Variants in SH3BGRL2 observed in about 807,000 individuals in gnomAD.
SH3BGRL2 encodes the protein SH3 domain-binding glutamic acid-rich-like protein 2.
SH3BGRL2 carries 21 observed loss-of-function variants against 14.8 expected under a neutral mutation model. The ratio of observed to expected loss-of-function variants is 1.42; its 90% CI spans 1.01 to 2.05. The LOEUF (loss-of-function observed/expected upper bound fraction) is 2.05, where lower values mean the gene tolerates loss of function less well. SH3BGRL2 is among the 30% of genes most tolerant of loss of function. The pLI is 0.00. For synonymous variants in SH3BGRL2, 50 were observed against 47.8 expected, an observed-to-expected ratio of 1.05 and a Z score of -0.19; for missense variants, 147 against 130.8, an observed-to-expected ratio of 1.12 and a Z score of -0.61.
At chr6:79,587,065 C>T in the SH3BGRL2 span, among the ~76,000 whole-genome samples, 1 of 152,290 alleles carries the variant, frequency 6.6e-6, no homozygotes, top group East Asian at 1.9e-4. Flanking sequence ...GCTGAATGAA[C>T]TCCCCCCAGT....
In SH3BGRL2 at chr6:79,700,598, A is replaced by C. The variant is rs1770435178; in HGVS notation, c.*1089A>C. ...GTACAGCCTCATATTTTTCAGAGTA[A>C]TACAGATACTTGTTCTCATTCCGTA... On this transcript the variant is annotated 3_prime_UTR_variant, in exon 4 of 4. Coordinates refer to ENST00000369838, the MANE Select transcript of SH3BGRL2 (RefSeq NM_031469.4). 2 of 152,128 alleles carry C rather than the reference A, an allele frequency of 1.3e-5. No homozygotes were observed. Among genetic ancestry groups the C allele is most frequent in the Non-Finnish European group, 1.5e-5 (1 of 68,024 alleles). The allele number at this position is 152,128 out of a possible 1,614,324, so 9.4% of individuals were successfully genotyped here.
intron 1 of SH3BGRL2, among the ~76,000 whole-genome samples, chr6:79,654,474 A>T (rs1185742845): frequency 6.6e-6 from 1 of 152,130 alleles, no homozygotes; most frequent in African/African-American, 2.4e-5. Flanking sequence ...TTCTTTTCTC[A>T]TAGTTTCTAC....
chr6:79,557,457 A>T, the SH3BGRL2 span, among the ~76,000 whole-genome samples: 2 of 152,118 alleles, frequency 1.3e-5, no homozygotes, highest in African/African-American at 4.8e-5. Flanking sequence ...TTATTAAAAT[A>T]AAAAAATTTA....
At chr6:79,648,354 A>G (rs531422894) in intron 1 of SH3BGRL2, among the ~76,000 whole-genome samples, 1 of 143,528 alleles carries the variant, frequency 7.0e-6, no homozygotes, top group East Asian at 2.0e-4. Context: ...ATATATATAT[A>G]TGGCTTCTTT....
At chr6:79,670,381 C>CG (rs1769748961) in intron 1 of SH3BGRL2, among the ~76,000 whole-genome samples, 1 of 152,174 alleles carries the variant, frequency 6.6e-6, no homozygotes, top group South Asian at 2.1e-4. Flanking sequence ...ATGCACTCTT[C>CG]GTCCTTTTAG....
At chr6:79,573,135 T>A in the SH3BGRL2 span, among the ~76,000 whole-genome samples, 1 of 152,214 alleles carries the variant, frequency 6.6e-6, no homozygotes, top group African/African-American at 2.4e-5. Flanking sequence ...GATTTTACTT[T>A]GTATATGTTG....
chr6:79,657,595 G>A (rs953102897), intron 1 of SH3BGRL2, among the ~76,000 whole-genome samples: 6 of 152,094 alleles, frequency 3.9e-5, no homozygotes, highest in African/African-American at 1.2e-4. Context: ...GAGGTAGCAG[G>A]TTTTATAGAC....
the SH3BGRL2 span, among the ~76,000 whole-genome samples, chr6:79,601,914 A>T: frequency 1.3e-5 from 2 of 150,462 alleles, no homozygotes; most frequent in African/African-American, 4.9e-5. Flanking sequence ...GTAAAGAAAA[A>T]AATCAAGCTC....
At chr6:79,557,728 C>T in the SH3BGRL2 span, among the ~76,000 whole-genome samples, 1 of 152,176 alleles carries the variant, frequency 6.6e-6, no homozygotes, top group Non-Finnish European at 1.5e-5. Context: ...CTTGCCTCAG[C>T]TAGCAAATAT....
intron 1 of SH3BGRL2, among the ~76,000 whole-genome samples, chr6:79,641,195 T>G (rs185596379): frequency 9.6e-5 from 14 of 146,316 alleles, no homozygotes; most frequent in African/African-American, 3.6e-4. Context: ...TGTGTGTGTG[T>G]GGTTTGTTTT....
intron 3 of SH3BGRL2, 22 bp downstream of exon 3, chr6:79,696,587 C>T (rs1770336977): frequency 1.3e-6 from 2 of 1,508,536 alleles, no homozygotes; most frequent in Non-Finnish European, 1.8e-6. Context: ...TTTTCTTATT[C>T]TTGTTTTAGA....
chr6:79,547,332 CTGGGAGGT>C, the SH3BGRL2 span, among the ~76,000 whole-genome samples: 1 of 152,090 alleles, frequency 6.6e-6, no homozygotes, highest in African/African-American at 2.4e-5. Context: ...AGAGATGAAG[CTGGGAGGT>C]ACACTACTGG....
intron 1 of SH3BGRL2, 74 bp downstream of exon 1, chr6:79,631,580 C>A: frequency 8.1e-7 from 1 of 1,230,566 alleles, no homozygotes; most frequent in Non-Finnish European, 1.0e-6. Flanking sequence ...CGGCGCTCGT[C>A]ACTGCGCGTC....
the SH3BGRL2 span, among the ~76,000 whole-genome samples, chr6:79,549,393 G>A: frequency 6.6e-6 from 1 of 152,158 alleles, no homozygotes; most frequent in African/African-American, 2.4e-5. Flanking sequence ...AACATATAAT[G>A]ATGTTTTGGT....
intron 2 of SH3BGRL2, among the ~76,000 whole-genome samples, chr6:79,687,003 C>T (rs1770110902): frequency 6.6e-6 from 1 of 152,184 alleles, no homozygotes; most frequent in African/African-American, 2.4e-5. Flanking sequence ...GTGCTGGCCT[C>T]TCAGGCCCCT....
chr6:79,667,115 A>G (rs1024709317), intron 1 of SH3BGRL2, among the ~76,000 whole-genome samples: 11 of 152,254 alleles, frequency 7.2e-5, no homozygotes, highest in African/African-American at 2.7e-4. Context: ...TACTGAACCA[A>G]GAATATTTTG....
chr6:79,620,341 C>G, the SH3BGRL2 span, among the ~76,000 whole-genome samples: 1 of 151,406 alleles, frequency 6.6e-6, no homozygotes, highest in Non-Finnish European at 1.5e-5. Context: ...TTCCTTCCGA[C>G]CTTTATGAGA....
intron 2 of SH3BGRL2, among the ~76,000 whole-genome samples, chr6:79,685,835 T>C (rs984903354): frequency 6.6e-6 from 1 of 152,188 alleles, no homozygotes; most frequent in Non-Finnish European, 1.5e-5. Flanking sequence ...AACCTCTTAA[T>C]ACATTTTAAC....
intron 1 of SH3BGRL2, among the ~76,000 whole-genome samples, chr6:79,649,186 A>G (rs1258030343): frequency 2.0e-5 from 3 of 152,212 alleles, no homozygotes; most frequent in African/African-American, 7.2e-5. Flanking sequence ...CCAGAAGCAT[A>G]GTTTTAGACT....
Sources: allele counts gnomAD v4.1 joint callset (sites outside exome capture counted in the v4.1 genomes callset), GRCh38; gene constraint gnomAD v4.1.1; transcripts MANE v1.5; gene names NCBI Gene and HGNC (gene_info 2026-07-23, HGNC 2026-07-21).